Variants in AGBL4 observed in about 807,000 individuals in gnomAD.
AGBL4 encodes the protein AGBL carboxypeptidase 4, also known as cytosolic carboxypeptidase 6.
In AGBL4, 58 loss-of-function variants were observed where a neutral mutation model predicts 66.4. The observed-to-expected ratio is 0.87, with a 90% confidence interval of 0.71 to 1.09. The LOEUF (loss-of-function observed/expected upper bound fraction) is 1.09. Ranked by LOEUF, AGBL4 falls within the 50% of genes least tolerant of loss-of-function variation. The pLI, the probability that AGBL4 is intolerant of heterozygous loss-of-function variation, is 0.00. For synonymous variants in AGBL4, 234 were observed against 222.9 expected (o/e 1.05, Z -0.44); for missense variants, 579 against 631.0 (o/e 0.92, Z 0.88).
rs551171134 is a variant in AGBL4, at chr1:49,155,568, G to GT, written c.377+90201dup. ...CCAGAATTTCAAGTCATATAGCCTG[G>GT]TTCTAGGGTTTATTTATCCTATAGA... On this transcript the variant is annotated intron_variant, in intron 4 of 13. Transcript: ENST00000371839. 2.4e-4 allele frequency among the ~76,000 whole-genome samples: 36 copies of GT among 152,186 alleles called. 1 individual carries two copies. The South Asian group carries it at 7.5e-3, about 32-fold the overall frequency.
chr1:48,613,973 T>A (rs982137266), intron 9 of AGBL4, among the ~76,000 whole-genome samples: 3 of 152,330 alleles, frequency 2.0e-5, no homozygotes, highest in Admixed American at 1.3e-4. Context: ...TAGTGGGCAT[T>A]TTAATTTTAA....
At chr1:49,212,942 TTTA>T (rs1648786197) in intron 4 of AGBL4, among the ~76,000 whole-genome samples, 1 of 152,272 alleles carries the variant, frequency 6.6e-6, no homozygotes, top group Admixed American at 6.5e-5. Context: ...AGCAAAAGCA[TTTA>T]TTTTTATTTA....
chr1:48,839,220 T>G (rs768340826), intron 6 of AGBL4, among the ~76,000 whole-genome samples: 3 of 152,124 alleles, frequency 2.0e-5, no homozygotes, highest in Non-Finnish European at 4.4e-5. Flanking sequence ...AAGAGATAAC[T>G]GCACTCCCAT....
At chr1:49,848,679 A>G (rs1001745303) in intron 2 of AGBL4, among the ~76,000 whole-genome samples, 1 of 152,186 alleles carries the variant, frequency 6.6e-6, no homozygotes, top group Non-Finnish European at 1.5e-5. Flanking sequence ...TCAGGGAATG[A>G]GAGATGAGAA....
At chr1:49,883,531 T>C (rs1424237202) in intron 1 of AGBL4, among the ~76,000 whole-genome samples, 1 of 152,112 alleles carries the variant, frequency 6.6e-6, no homozygotes, top group Admixed American at 6.6e-5. Flanking sequence ...TATCACTACT[T>C]TCCCTGTCTC....
intron 3 of AGBL4, among the ~76,000 whole-genome samples, chr1:49,258,140 C>A (rs754214469): frequency 3.9e-5 from 6 of 152,174 alleles, no homozygotes; most frequent in Non-Finnish European, 7.3e-5. Context: ...GACATCCACA[C>A]CAAAAACCCA....
intron 3 of AGBL4, among the ~76,000 whole-genome samples, chr1:49,542,521 A>G (rs963922756): frequency 3.3e-5 from 5 of 152,152 alleles, no homozygotes; most frequent in African/African-American, 1.2e-4. Flanking sequence ...CTTGAAGTCA[A>G]TGAGACCAAG....
intron 3 of AGBL4, among the ~76,000 whole-genome samples, chr1:49,411,626 A>T (rs1645316758): frequency 6.6e-6 from 1 of 152,262 alleles, no homozygotes; most frequent in Non-Finnish European, 1.5e-5. Flanking sequence ...TATAAGAAAT[A>T]TATGGAATAA....
chr1:49,303,289 CA>C (rs1644788248), intron 3 of AGBL4, among the ~76,000 whole-genome samples: 1 of 152,042 alleles, frequency 6.6e-6, no homozygotes, highest in South Asian at 2.1e-4. Context: ...AGTGTAAAAG[CA>C]TTTATAGTTC....
At chr1:50,015,945 TGAA>T (rs1458441434) in intron 1 of AGBL4, among the ~76,000 whole-genome samples, 1 of 152,106 alleles carries the variant, frequency 6.6e-6, no homozygotes, top group Non-Finnish European at 1.5e-5. Context: ...GCTAGTCACA[TGAA>T]GAAGATTGAA....
chr1:49,367,571 T>G (rs959434637), intron 3 of AGBL4, among the ~76,000 whole-genome samples: 2 of 152,190 alleles, frequency 1.3e-5, no homozygotes, highest in Non-Finnish European at 2.9e-5. Flanking sequence ...AGTAGACTGA[T>G]ACACTGGCTG....
At chr1:49,135,738 G>A (rs141735490) in intron 4 of AGBL4, among the ~76,000 whole-genome samples, 19 of 152,220 alleles carry the variant, frequency 1.2e-4, no homozygotes, top group East Asian at 5.8e-4. Flanking sequence ...CGCCCTGGGC[G>A]GCCCAGTGTT....
At chr1:48,843,883 A>C (rs1162706493) in intron 6 of AGBL4, among the ~76,000 whole-genome samples, 4 of 152,152 alleles carry the variant, frequency 2.6e-5, no homozygotes, top group African/African-American at 9.7e-5. Flanking sequence ...CAATGGGTCA[A>C]ACTGAGCCTC....
At chr1:48,836,731 A>G (rs777123507) in intron 6 of AGBL4, among the ~76,000 whole-genome samples, 7 of 152,102 alleles carry the variant, frequency 4.6e-5, no homozygotes, top group Non-Finnish European at 8.8e-5. Flanking sequence ...GCCTTGTCTC[A>G]TCTGACAAAA....
At chr1:49,072,790 C>T (rs1644634161) in intron 4 of AGBL4, among the ~76,000 whole-genome samples, 1 of 152,136 alleles carries the variant, frequency 6.6e-6, no homozygotes, top group East Asian at 1.9e-4. Flanking sequence ...TGTTGGCCTG[C>T]CTTGCTAGGT....
intron 4 of AGBL4, among the ~76,000 whole-genome samples, chr1:49,124,355 A>C (rs1645723156): frequency 6.6e-6 from 1 of 152,198 alleles, no homozygotes; most frequent in South Asian, 2.1e-4. Context: ...ATTTTTCCAA[A>C]AAGAATGGCA....
At chr1:48,923,931 A>C (rs1654310621) in intron 5 of AGBL4, among the ~76,000 whole-genome samples, 1 of 152,152 alleles carries the variant, frequency 6.6e-6, no homozygotes, top group Non-Finnish European at 1.5e-5. Context: ...CTGAGAGATG[A>C]ATGCAGCCAA....
Position 50,023,820 on chromosome 1 carries a change from G to C in AGBL4, c.-24C>G. ...ATTTTTGTTGTCCCTCAGTCTCCGA[G>C]CTCACGCGAAGACCGCGGGGCAGTA... On this transcript the variant is annotated 5_prime_UTR_variant, in exon 1 of 14. Transcript: ENST00000371839. The C allele has an allele frequency of 6.5e-7, 1 of 1,548,128 alleles. No individual in the cohort carries two copies. Among genetic ancestry groups the C allele is most frequent in the Non-Finnish European group, 8.7e-7 (1 of 1,145,530 alleles).
chr1:49,234,489 G>A (rs1253828083), intron 4 of AGBL4, among the ~76,000 whole-genome samples: 1 of 152,132 alleles, frequency 6.6e-6, no homozygotes, highest in African/African-American at 2.4e-5. Context: ...TGCAGTTTGA[G>A]GTATATAAAA....
Sources: allele counts gnomAD v4.1 joint callset (sites outside exome capture counted in the v4.1 genomes callset), GRCh38; gene constraint gnomAD v4.1.1; transcripts MANE v1.5; gene names NCBI Gene and HGNC (gene_info 2026-07-23, HGNC 2026-07-21).